RAB3C: variants seen among roughly 807,000 people sequenced by gnomAD.
RAB3C encodes the protein ras-related protein Rab-3C.
In RAB3C, 17 loss-of-function variants were observed where a neutral mutation model predicts 26.4. The observed-to-expected ratio is 0.64, with a 90% confidence interval of 0.44 to 0.97. The LOEUF (loss-of-function observed/expected upper bound fraction) is 0.97. Among genes scored for constraint, RAB3C ranks in the 50% least tolerant of loss-of-function variants. The pLI is 0.00. For synonymous variants in RAB3C, 91 were observed against 95.9 expected, an observed-to-expected ratio of 0.95 and a Z score of 0.30; for missense variants, 242 against 281.9, an observed-to-expected ratio of 0.86 and a Z score of 1.01.
chr5:58,708,035 G>C (rs1748981892), intron 2 of RAB3C, among the ~76,000 whole-genome samples: 1 of 149,218 alleles, frequency 6.7e-6, no homozygotes, highest in African/African-American at 2.5e-5. Flanking sequence ...GTGTTGCCCA[G>C]GCTGGAATGC....
At chr5:58,711,927 A>G (rs956927224) in intron 2 of RAB3C, among the ~76,000 whole-genome samples, 24 of 152,142 alleles carry the variant, frequency 1.6e-4, no homozygotes, top group African/African-American at 5.3e-4. Flanking sequence ...TTCAATGCCA[A>G]ACAGAAGCCT....
At chr5:58,646,403 A>C (rs1223508247) in intron 2 of RAB3C, among the ~76,000 whole-genome samples, 3 of 152,120 alleles carry the variant, frequency 2.0e-5, no homozygotes, top group African/African-American at 7.2e-5. Context: ...TACATGAGTT[A>C]GATATTCTGG....
At chr5:58,838,196 C>T (rs1743791494) in intron 4 of RAB3C, among the ~76,000 whole-genome samples, 1 of 152,062 alleles carries the variant, frequency 6.6e-6, no homozygotes, top group Non-Finnish European at 1.5e-5. Flanking sequence ...CTGGTTAACA[C>T]AGTGAAACCC....
chr5:58,645,914 C>T (rs1465651033), intron 2 of RAB3C, among the ~76,000 whole-genome samples: 1 of 152,224 alleles, frequency 6.6e-6, no homozygotes, highest in South Asian at 2.1e-4. Context: ...CTCTTTCCCA[C>T]GTTAGGAGAG....
Position 58,741,357 on chromosome 5 carries a change from C to G in RAB3C, c.371+15237C>G, listed in dbSNP as rs556893118. On this transcript the variant is annotated intron_variant, in intron 3 of 4. Transcript: ENST00000282878. ...CTCAATTTCCAATGCATCTTCTCTC[C>G]TTGGAAGTGGAACTGATGCCACCTG... 3.9e-5 allele frequency among the ~76,000 whole-genome samples: 6 copies of G among 152,312 alleles called. No individual in the cohort carries two copies. The South Asian group carries it at 1.2e-3, about 32-fold the overall frequency.
chr5:58,742,232 A>G (rs998640608), intron 3 of RAB3C, among the ~76,000 whole-genome samples: 2 of 152,056 alleles, frequency 1.3e-5, no homozygotes, highest in Non-Finnish European at 2.9e-5. Context: ...TGGCTCCCCA[A>G]ATTTTGCTTT....
intron 2 of RAB3C, among the ~76,000 whole-genome samples, chr5:58,711,615 A>C (rs568293836): frequency 6.6e-6 from 1 of 152,324 alleles, no homozygotes; most frequent in Non-Finnish European, 1.5e-5. Context: ...AGTATGCACA[A>C]GAAGCATTAC....
chr5:58,795,307 A>G (rs1387147044), intron 3 of RAB3C, among the ~76,000 whole-genome samples: 1 of 152,166 alleles, frequency 6.6e-6, no homozygotes, highest in Non-Finnish European at 1.5e-5. Context: ...CTTTATTAGC[A>G]GTATAAGAAC....
intron 1 of RAB3C, among the ~76,000 whole-genome samples, chr5:58,608,622 C>T (rs1746624335): frequency 6.6e-6 from 1 of 152,162 alleles, no homozygotes; most frequent in Non-Finnish European, 1.5e-5. Flanking sequence ...TTGTGCAAAA[C>T]AGTGTGGCAG....
intron 3 of RAB3C, among the ~76,000 whole-genome samples, chr5:58,766,913 A>T (rs1440172801): frequency 2.6e-5 from 4 of 152,236 alleles, no homozygotes; most frequent in Non-Finnish European, 5.9e-5. Context: ...GAGTCTAAGT[A>T]CCACGAAGTT....
At chr5:58,640,397 G>A (rs1034126866) in intron 2 of RAB3C, among the ~76,000 whole-genome samples, 25 of 152,194 alleles carry the variant, frequency 1.6e-4, no homozygotes, top group African/African-American at 3.6e-4. Flanking sequence ...AAAATAACTC[G>A]GAGTGTGGAA....
chr5:58,677,351 A>G (rs1490384656), intron 2 of RAB3C, among the ~76,000 whole-genome samples: 1 of 152,038 alleles, frequency 6.6e-6, no homozygotes, highest in African/African-American at 2.4e-5. Context: ...ATCTATACAC[A>G]CTCTACTAAA....
intron 2 of RAB3C, among the ~76,000 whole-genome samples, chr5:58,634,545 T>G (rs1233616492): frequency 6.6e-6 from 1 of 152,216 alleles, no homozygotes; most frequent in East Asian, 1.9e-4. Context: ...CAGAACCTCA[T>G]AAATGGTAAG....
At chr5:58,668,940 G>A (rs1021257310) in intron 2 of RAB3C, among the ~76,000 whole-genome samples, 3 of 152,108 alleles carry the variant, frequency 2.0e-5, no homozygotes, top group Non-Finnish European at 2.9e-5. Context: ...AGCTGATTCA[G>A]TTCCTGGAAA....
At chr5:58,802,093 A>T (rs1363116901) in intron 3 of RAB3C, among the ~76,000 whole-genome samples, 1 of 135,404 alleles carries the variant, frequency 7.4e-6, no homozygotes, top group East Asian at 2.0e-4. Flanking sequence ...CTAAGAGAAT[A>T]TTATATACAT....
chr5:58,825,168 A>G lies in RAB3C; in HGVS notation c.496+6A>G. On this transcript the variant is annotated splice_donor_region_variant and intron_variant, in intron 4 of 4. Coordinates refer to ENST00000282878, the MANE Select transcript of RAB3C (RefSeq NM_138453.4). Reference sequence around the variant, plus strand: ...ACATTTAGGAGAACAGCTTGGTAAGAAACAAATTAATAAGTTAAAAAGAAA... The same window carrying G: ...ACATTTAGGAGAACAGCTTGGTAAGGAACAAATTAATAAGTTAAAAAGAAA... 6.2e-7 allele frequency: 1 copy of G among 1,608,340 alleles called. No homozygotes were observed. Among genetic ancestry groups the G allele is most frequent in the Non-Finnish European group, 8.5e-7 (1 of 1,177,100 alleles).
chr5:58,757,557 A>G (rs1422730342), intron 3 of RAB3C, among the ~76,000 whole-genome samples: 4 of 152,282 alleles, frequency 2.6e-5, no homozygotes, highest in South Asian at 2.1e-4. Context: ...TGCATAGGAG[A>G]TGTTGTGTCC....
intron 2 of RAB3C, among the ~76,000 whole-genome samples, chr5:58,717,718 T>C (rs1191829678): frequency 6.6e-6 from 1 of 152,122 alleles, no homozygotes; most frequent in Non-Finnish European, 1.5e-5. Context: ...CTGTAGTGTT[T>C]ACAGATCCAT....
chr5:58,825,185 A>T (rs1416448775), intron 4 of RAB3C, 23 bp downstream of exon 4: 1 of 1,602,366 alleles, frequency 6.2e-7, no homozygotes. Flanking sequence ...TTAATAAGTT[A>T]AAAAGAAAGA....
Sources: allele counts gnomAD v4.1 joint callset (sites outside exome capture counted in the v4.1 genomes callset), GRCh38; gene constraint gnomAD v4.1.1; transcripts MANE v1.5; gene names NCBI Gene and HGNC (gene_info 2026-07-23, HGNC 2026-07-21).